The following ADAD1 variants were observed in gnomAD, a reference collection of about 807,000 sequenced individuals.
The protein encoded by ADAD1 is adenosine deaminase domain containing 1.
In ADAD1, 46 loss-of-function variants were observed where a neutral mutation model predicts 66.8. The observed-to-expected ratio is 0.69, with a 90% CI of 0.54 to 0.88. ADAD1 has a LOEUF of 0.88. ADAD1 is among the 40% of genes least tolerant of loss of function. ADAD1 has a pLI of 0.00. For synonymous variants in ADAD1, 248 were observed against 229.4 expected (o/e 1.08, Z -0.73); for missense variants, 617 against 681.8 (o/e 0.91, Z 1.06).
intron 12 of ADAD1, among the ~76,000 whole-genome samples, chr4:122,422,582 C>T (rs760300521): frequency 2.6e-5 from 4 of 151,956 alleles, no homozygotes; most frequent in South Asian, 4.1e-4. Context: ...CCTGTAAAGC[C>T]GTTACATTAA....
chr4:122,380,515 T>C (rs551624993), intron 3 of ADAD1: 1 of 429,518 alleles, frequency 2.3e-6, no homozygotes, highest in South Asian at 3.3e-5. Flanking sequence ...CAAGGGAAGA[T>C]ACTGGACTTA....
rs556973370 is a variant in ADAD1, at chr4:122,381,311, T to A, written c.361+131T>A. The A allele has an allele frequency of 4.3e-6, 4 of 940,362 alleles. No homozygotes were observed. In the Admixed American group the frequency reaches 1.1e-4, roughly 25 times the overall value. The allele number at this position is 940,362 out of a possible 1,614,324, so 58.3% of individuals were successfully genotyped here. ...GTATGTTTTCACAAGAATACTTAAA[T>A]GTTTATGTTCACACTTCTTTAGCCT... On this transcript the variant is annotated intron_variant, in intron 4 of 12. Transcript: ENST00000296513.
At chr4:122,415,098 C>T (rs1216004721) in intron 10 of ADAD1, among the ~76,000 whole-genome samples, 1 of 152,086 alleles carries the variant, frequency 6.6e-6, no homozygotes, top group Non-Finnish European at 1.5e-5. Flanking sequence ...TACTAAAGTA[C>T]CAGTTTCTGA....
chr4:122,382,288 T>G (rs994082484), intron 4 of ADAD1, among the ~76,000 whole-genome samples: 1 of 152,186 alleles, frequency 6.6e-6, no homozygotes, highest in Non-Finnish European at 1.5e-5. Context: ...AGTATATAGT[T>G]CAATAATCCA....
intron 3 of ADAD1, 175 bp downstream of exon 3, chr4:122,380,416 T>A (rs1392195202): frequency 4.3e-6 from 3 of 703,714 alleles, no homozygotes; most frequent in African/African-American, 3.6e-5. Flanking sequence ...TAGAGCTCTT[T>A]ACCTGTGCCG....
chr4:122,427,684 G>A (rs1322737326), intron 12 of ADAD1, among the ~76,000 whole-genome samples: 2 of 151,588 alleles, frequency 1.3e-5, no homozygotes, highest in Non-Finnish European at 1.5e-5. Context: ...ACAGGCACCC[G>A]CCACCACGCC....
intron 6 of ADAD1, among the ~76,000 whole-genome samples, chr4:122,395,238 A>G (rs1795643572): frequency 6.6e-6 from 1 of 151,830 alleles, no homozygotes; most frequent in Non-Finnish European, 1.5e-5. Context: ...TTTAGTAGAG[A>G]CAGGGTTTCA....
intron 5 of ADAD1, among the ~76,000 whole-genome samples, chr4:122,389,630 G>T (rs1351217525): frequency 1.2e-4 from 18 of 151,950 alleles, no homozygotes; most frequent in Admixed American, 1.2e-3. Context: ...TGTCTTTTTT[G>T]ATCTTTGTTG....
chr4:122,416,327 C>T (rs1796732958), intron 11 of ADAD1, among the ~76,000 whole-genome samples: 1 of 152,144 alleles, frequency 6.6e-6, no homozygotes, highest in South Asian at 2.1e-4. Context: ...TAAAACTGTT[C>T]TTTTAGTGTG....
rs371289914 is a variant in ADAD1, at chr4:122,380,160, A to G, written c.91A>G (p.Lys31Glu). ...GAACCTGCCAGTTCAACCAGCGACA[A>G]AGACGATAACTACACCCACAGGATG... ...KKNLPVQPAT[K>E]TITTPTGWSS... The change falls in exon 3 of 13, where the codon AAG becomes GAG. Residue 31 changes from lysine (K) to glutamate (E), a missense_variant. Physicochemically the swap from Lys to Glu is moderately conservative, Grantham distance 56. Coordinates refer to ENST00000296513, the MANE Select transcript of ADAD1 (RefSeq NM_139243.4). 2.5e-6 allele frequency: 4 copies of G among 1,614,158 alleles called. No individual in the cohort carries two copies. Among genetic ancestry groups the G allele is most frequent in the South Asian group, 2.2e-5 (2 of 91,084 alleles).
At chr4:122,382,890 G>T (rs762878769) in intron 4 of ADAD1, among the ~76,000 whole-genome samples, 5 of 152,180 alleles carry the variant, frequency 3.3e-5, no homozygotes, top group Non-Finnish European at 5.9e-5. Context: ...GTCAGGAGTT[G>T]CTTGTAAAAC....
chr4:122,424,944 A>G (rs562107655), intron 12 of ADAD1, among the ~76,000 whole-genome samples: 11 of 152,270 alleles, frequency 7.2e-5, no homozygotes, highest in Non-Finnish European at 1.5e-4. Flanking sequence ...TTAAATATAC[A>G]TGAAGAGGAG....
rs114596104 is a variant in ADAD1, at chr4:122,426,636, C to G, written c.1618-2990C>G. ...AACATACAAAAAGGATTATACTCCA[C>G]AACCAAGGTGGTTTATACCAGGAAT... On this transcript the variant is annotated intron_variant, in intron 12 of 12. Transcript: ENST00000296513. 3.0e-3 allele frequency among the ~76,000 whole-genome samples: 460 copies of G among 152,280 alleles called. 2 individuals are homozygous for G. Among genetic ancestry groups the G allele is most frequent in the African/African-American group, 0.011 (447 of 41,564 alleles).
chr4:122,406,506 G>A (rs1041599665), intron 7 of ADAD1, among the ~76,000 whole-genome samples: 6 of 152,076 alleles, frequency 3.9e-5, no homozygotes, highest in Admixed American at 2.0e-4. Flanking sequence ...CTTCTGTTCC[G>A]TAAGTTGTCT....
intron 7 of ADAD1, among the ~76,000 whole-genome samples, chr4:122,399,577 T>C (rs1392503674): frequency 2.0e-5 from 3 of 152,146 alleles, no homozygotes; most frequent in South Asian, 2.1e-4. Flanking sequence ...CTTTTGGCAG[T>C]ATGGTGATTT....
Position 122,415,432 on chromosome 4 carries a change from G to A in ADAD1, c.1303G>A (p.Val435Ile). ...RGLEIAIKQR[V>I]DDALTSKLPM... is the part of the protein sequence containing the mutation. ...CTTAGAAATCGCTATAAAGCAACGT[G>A]TTGATGATGCACTCACTTCAAAACT... The change falls in exon 11 of 13, where the codon GTT (valine) becomes ATT (isoleucine). Residue 435 changes from valine (V) to isoleucine (I), a missense_variant. Transcript: ENST00000296513. 1 of 1,613,884 alleles carries A rather than the reference G, an allele frequency of 6.2e-7. No homozygotes were observed. Among genetic ancestry groups the A allele is most frequent in the Non-Finnish European group, 8.5e-7 (1 of 1,179,834 alleles).
At chr4:122,388,960 G>T (rs1392670270) in intron 5 of ADAD1, among the ~76,000 whole-genome samples, 1 of 151,862 alleles carries the variant, frequency 6.6e-6, no homozygotes, top group Non-Finnish European at 1.5e-5. Context: ...TTGATGTTCG[G>T]GTATCAATAT....
At chr4:122,428,050 G>T (rs1797335099) in intron 12 of ADAD1, among the ~76,000 whole-genome samples, 1 of 150,986 alleles carries the variant, frequency 6.6e-6, no homozygotes, top group African/African-American at 2.5e-5. Context: ...TCAACAAATA[G>T]TGCTGAAATG....
chr4:122,393,810 A>G (rs185590236), intron 6 of ADAD1, among the ~76,000 whole-genome samples, 153 bp downstream of exon 6: 3 of 152,282 alleles, frequency 2.0e-5, no homozygotes, highest in Admixed American at 2.0e-4. Context: ...ATTTTTTTCT[A>G]TACTATGCTA....
Sources: gnomAD v4.1 joint callset for allele counts (sites outside exome capture counted in the v4.1 genomes callset) on GRCh38, gnomAD v4.1.1 for gene constraint, MANE v1.5 for transcripts, NCBI Gene and HGNC (gene_info 2026-07-23, HGNC 2026-07-21) for gene names.